The following TBC1D14 variants were observed in gnomAD, a reference collection of about 807,000 sequenced individuals.
TBC1D14 encodes TBC1 domain family member 14.
In TBC1D14, 26 loss-of-function variants were observed where a neutral mutation model predicts 79.0. The observed-to-expected ratio is 0.33, with a 90% CI of 0.24 to 0.46. TBC1D14 has a LOEUF of 0.46. Ranked by LOEUF, TBC1D14 falls within the 20% of genes least tolerant of loss-of-function variation. TBC1D14 has a pLI of 1.00. For synonymous variants in TBC1D14, 394 were observed against 349.9 expected (o/e 1.13, Z -1.40); for missense variants, 769 against 887.6 (o/e 0.87, Z 1.70).
At chr4:6,933,847 T>G (rs987375203) in intron 2 of TBC1D14, among the ~76,000 whole-genome samples, 21 of 152,106 alleles carry the variant, frequency 1.4e-4, no homozygotes, top group East Asian at 9.7e-4. Context: ...GCAGGGAGTC[T>G]GAGGAGGCTG....
chr4:6,912,560 G>T (rs2108893271), intron 1 of TBC1D14, among the ~76,000 whole-genome samples: 1 of 152,256 alleles, frequency 6.6e-6, no homozygotes, highest in East Asian at 1.9e-4. Context: ...CACACGGCAG[G>T]TGTGAGGAGA....
rs371654194 is a variant in TBC1D14 at position 6,956,935 on chromosome 4, C to T, written c.723-10369C>T. Among the ~76,000 whole-genome samples the T allele has an allele frequency of 1.4e-4, 22 of 152,348 alleles. 2 individuals are homozygous for T. Among genetic ancestry groups the T allele is most frequent in the African/African-American group, 3.1e-4 (13 of 41,578 alleles). On this transcript the variant is annotated intron_variant, in intron 2 of 13. Coordinates refer to ENST00000409757, the MANE Select transcript of TBC1D14 (RefSeq NM_020773.3). ...GGATGGACAGCCAGTAAGCTGCTTCCGGCTACTTGGTTGTCTTTGCCTTTT... is the reference window on the plus strand; with the variant it reads ...GGATGGACAGCCAGTAAGCTGCTTCTGGCTACTTGGTTGTCTTTGCCTTTT...
intron 1 of TBC1D14, among the ~76,000 whole-genome samples, chr4:6,913,887 G>T (rs1424737055): frequency 6.6e-6 from 1 of 152,100 alleles, no homozygotes; most frequent in Admixed American, 6.6e-5. Context: ...CCAGCAGTTT[G>T]GGAGGTTGAG....
intron 2 of TBC1D14, among the ~76,000 whole-genome samples, chr4:6,949,968 C>T (rs1713874417): frequency 6.6e-6 from 1 of 152,040 alleles, no homozygotes; most frequent in South Asian, 2.1e-4. Flanking sequence ...CATAGGTATA[C>T]ATGTGTTGTG....
At chr4:6,969,805 G>A (rs1237484048) in intron 3 of TBC1D14, among the ~76,000 whole-genome samples, 1 of 151,858 alleles carries the variant, frequency 6.6e-6, no homozygotes, top group Non-Finnish European at 1.5e-5. Context: ...TTCATTATGC[G>A]GTAACACAAT....
At chr4:6,937,740 C>A (rs976306971) in intron 2 of TBC1D14, among the ~76,000 whole-genome samples, 1 of 152,054 alleles carries the variant, frequency 6.6e-6, no homozygotes, top group Non-Finnish European at 1.5e-5. Context: ...AGGCAGGGCT[C>A]AGGGACGTGT....
upstream of TBC1D14, chr4:6,909,516 C>G (rs1577440059): frequency 6.6e-6 from 1 of 152,316 alleles, no homozygotes; most frequent in Admixed American, 6.5e-5. Context: ...GTAAGGGGCC[C>G]CCTGTCGGAT....
At chr4:7,025,332 A>G in intron 13 of TBC1D14, 70 bp downstream of exon 13, 5 of 1,590,152 alleles carry the variant, frequency 3.1e-6, no homozygotes, top group Non-Finnish European at 4.3e-6. Context: ...GAAGGCCCCT[A>G]CGTAAAGTGC....
chr4:6,910,690 A>AT (rs1722910235), intron 1 of TBC1D14: 1 of 152,050 alleles, frequency 6.6e-6, no homozygotes, highest in Admixed American at 6.6e-5. Context: ...GGTCAGGAGG[A>AT]TAGGAGAATG....
At chr4:6,929,597 A>G (rs1711542126) in intron 2 of TBC1D14, among the ~76,000 whole-genome samples, 1 of 152,114 alleles carries the variant, frequency 6.6e-6, no homozygotes, top group Admixed American at 6.6e-5. Context: ...CCGTAGCATG[A>G]GGCGCTCAGG....
At chr4:6,979,175 A>G (rs945318661) in intron 3 of TBC1D14, among the ~76,000 whole-genome samples, 4 of 152,256 alleles carry the variant, frequency 2.6e-5, no homozygotes, top group African/African-American at 9.6e-5. Context: ...AAAAGCTTGA[A>G]TCAAGACAGG....
chr4:6,986,586 G>T (rs1415009358), intron 3 of TBC1D14, among the ~76,000 whole-genome samples: 1 of 152,224 alleles, frequency 6.6e-6, no homozygotes, highest in Non-Finnish European at 1.5e-5. Context: ...CCCCGTCACG[G>T]GAGAGCCTCG....
At chr4:6,949,285 C>G (rs543234285) in intron 2 of TBC1D14, among the ~76,000 whole-genome samples, 16 of 152,162 alleles carry the variant, frequency 1.1e-4, no homozygotes, top group African/African-American at 3.6e-4. Context: ...TTTTTCATTT[C>G]TATATAGATT....
In TBC1D14 at chr4:6,967,358, A is replaced by T. The variant is rs1436489137; in HGVS notation, c.777A>T (p.Gly259=). 4 of 1,614,008 alleles carry T rather than the reference A, an allele frequency of 2.5e-6. No individual in the cohort carries two copies. In the Admixed American group the frequency reaches 5.0e-5, roughly 20 times the overall value. ...GGCTTGACAAACACAATGACTTGGGATGGAAGTTATTTGGGAAAGCGCCAC... is the reference window on the plus strand; with the variant it reads ...GGCTTGACAAACACAATGACTTGGGTTGGAAGTTATTTGGGAAAGCGCCAC... The part of the protein sequence containing the change: ...SARLDKHNDL[G]WKLFGKAPLR... The change falls in exon 3 of 14, where the codon GGA becomes GGT. Residue 259 remains glycine, a synonymous_variant. Coordinates refer to ENST00000409757, the MANE Select transcript of TBC1D14 (RefSeq NM_020773.3).
intron 12 of TBC1D14, among the ~76,000 whole-genome samples, chr4:7,020,741 T>C (rs572727813): frequency 4.7e-4 from 71 of 152,198 alleles, no homozygotes; most frequent in Non-Finnish European, 7.8e-4. Context: ...TGTCACTCTT[T>C]CCAGTCTGGA....
At chr4:6,915,377 C>T (rs1267730646) in intron 1 of TBC1D14, among the ~76,000 whole-genome samples, 1 of 152,174 alleles carries the variant, frequency 6.6e-6, no homozygotes, top group East Asian at 1.9e-4. Flanking sequence ...ACTGCACCTG[C>T]TCAGCCCAGT....
At chr4:6,951,795 A>G (rs959277805) in intron 2 of TBC1D14, among the ~76,000 whole-genome samples, 2 of 152,232 alleles carry the variant, frequency 1.3e-5, no homozygotes, top group African/African-American at 4.8e-5. Flanking sequence ...AGACTTCACC[A>G]GTAAGGCCAT....
chr4:6,984,355 C>T (rs150587572), intron 3 of TBC1D14, among the ~76,000 whole-genome samples: 24 of 152,214 alleles, frequency 1.6e-4, no homozygotes, highest in Admixed American at 7.8e-4. Context: ...AGCTTCGGCA[C>T]GGTCAGGACT....
intron 2 of TBC1D14, among the ~76,000 whole-genome samples, chr4:6,940,365 G>A (rs901627568): frequency 7.9e-5 from 12 of 152,186 alleles, no homozygotes; most frequent in African/African-American, 2.7e-4. Flanking sequence ...CACACAGTGG[G>A]TGTGAAACGA....
Sources: allele counts gnomAD v4.1 joint callset (sites outside exome capture counted in the v4.1 genomes callset), GRCh38; gene constraint gnomAD v4.1.1; transcripts MANE v1.5; gene names NCBI Gene and HGNC (gene_info 2026-07-23, HGNC 2026-07-21).